TECPR2: variants seen among roughly 807,000 people sequenced by gnomAD.
The protein encoded by TECPR2 is tectonin beta-propeller repeat-containing protein 2.
TECPR2 carries 65 observed loss-of-function variants against 138.1 expected under a neutral mutation model. That is an observed-to-expected ratio of 0.47 (90% CI 0.39 to 0.58). The LOEUF (loss-of-function observed/expected upper bound fraction) is 0.58. Among genes scored for constraint, TECPR2 ranks in the 20% least tolerant of loss-of-function variants. The pLI is 0.00. For missense variants in TECPR2, 1,553 were observed against 1,824.5 expected, an observed-to-expected ratio of 0.85 and a Z score of 2.71; for synonymous variants, 746 against 749.8, an observed-to-expected ratio of 0.99 and a Z score of 0.08.
intron 17 of TECPR2, among the ~76,000 whole-genome samples, chr14:102,486,141 G>A (rs1567361675): frequency 6.6e-6 from 1 of 152,188 alleles, no homozygotes; most frequent in Non-Finnish European, 1.5e-5. Context: ...TAGAGGCCCA[G>A]CAGTAACTGG....
chr14:102,375,008 C>T (rs1368358941), intron 1 of TECPR2, among the ~76,000 whole-genome samples: 3 of 151,920 alleles, frequency 2.0e-5, no homozygotes, highest in Non-Finnish European at 4.4e-5. Flanking sequence ...AGGCAGATAA[C>T]CAGTCAGAGA....
In TECPR2 at chr14:102,419,674, G is replaced by A. The variant is rs1889127804; in HGVS notation, c.638+4881G>A. On this transcript the variant is annotated intron_variant, in intron 5 of 19. Transcript: ENST00000359520. The surrounding 1 kb of genome is among the most constrained non-coding windows in gnomAD (Gnocchi z 4.8). The stretch of plus-strand genomic sequence containing the variant: ...GAGGGGTCCTCTTCCCGTCGAGTCC[G>A]TGAACCTCTTCAGACCGGATGATGT... Among the ~76,000 whole-genome samples the A allele has an allele frequency of 1.3e-5, 2 of 152,140 alleles. No individual in the cohort carries two copies. Among genetic ancestry groups the A allele is most frequent in the East Asian group, 3.9e-4 (2 of 5,190 alleles).
Position 102,449,737 on chromosome 14 carries a change from G to A in TECPR2, c.3184G>A (p.Ala1062Thr), listed in dbSNP as rs1890090516. The part of the protein sequence containing the change: ...TAAQAPVEKV[A>T]DKLRMAFWSQ... ...AGCCCAAGCCCCCGTAGAAAAGGTGGCAGATAAGCTGCGCATGGCGTTTTG... is the reference window on the plus strand; with the variant it reads ...AGCCCAAGCCCCCGTAGAAAAGGTGACAGATAAGCTGCGCATGGCGTTTTG... Residue 1062 changes from alanine (A) to threonine (T), a missense_variant, in exon 14 of 20, where the codon GCA becomes ACA. Coordinates refer to ENST00000359520, the MANE Select transcript of TECPR2 (RefSeq NM_014844.5). 2 of 1,614,050 alleles carry A rather than the reference G, an allele frequency of 1.2e-6. No homozygotes were observed. Among genetic ancestry groups the A allele is most frequent in the Non-Finnish European group, 1.7e-6 (2 of 1,180,052 alleles).
intron 1 of TECPR2, among the ~76,000 whole-genome samples, chr14:102,368,918 A>G (rs1887418290): frequency 6.6e-6 from 1 of 152,132 alleles, no homozygotes; most frequent in Admixed American, 6.5e-5. Context: ...AAACAGAGGA[A>G]TTGAGGGTGA....
intron 15 of TECPR2, 124 bp downstream of exon 15, chr14:102,450,773 G>T: frequency 1.1e-6 from 1 of 906,240 alleles, no homozygotes; most frequent in Admixed American, 2.1e-5. Flanking sequence ...ACCACGTGAG[G>T]GTGTCAGAGG....
chr14:102,410,962 A>G (rs1282201248), intron 4 of TECPR2, among the ~76,000 whole-genome samples: 2 of 152,300 alleles, frequency 1.3e-5, no homozygotes, highest in Admixed American at 6.5e-5. Flanking sequence ...AGTCGTCCCA[A>G]TTCTTAGACC....
At chr14:102,400,198 A>G (rs1016444155) in intron 2 of TECPR2, among the ~76,000 whole-genome samples, 1 of 151,928 alleles carries the variant, frequency 6.6e-6, no homozygotes, top group African/African-American at 2.4e-5. Flanking sequence ...GGTGTGTGCC[A>G]CCACACCCAG....
At chr14:102,410,654 G>T (rs1005982829) in intron 4 of TECPR2, among the ~76,000 whole-genome samples, 1 of 151,594 alleles carries the variant, frequency 6.6e-6, no homozygotes, top group Admixed American at 6.6e-5. Flanking sequence ...TTTTTGTTAG[G>T]CCCCAGTCTC....
At chr14:102,410,564 C>A (rs1378513374) in intron 4 of TECPR2, among the ~76,000 whole-genome samples, 5 of 151,386 alleles carry the variant, frequency 3.3e-5, no homozygotes, top group Non-Finnish European at 5.9e-5. Context: ...ATACTTTTAC[C>A]ACTTTCCCTT....
intron 17 of TECPR2, among the ~76,000 whole-genome samples, chr14:102,476,809 C>A (rs938159006): frequency 2.6e-5 from 4 of 152,148 alleles, no homozygotes; most frequent in Admixed American, 6.5e-5. Flanking sequence ...AATCCCAACA[C>A]TTTGGGAGGC....
chr14:102,480,520 G>A (rs530657963), intron 17 of TECPR2, among the ~76,000 whole-genome samples: 13 of 151,384 alleles, frequency 8.6e-5, no homozygotes, highest in African/African-American at 3.1e-4. Flanking sequence ...CACCATGCCC[G>A]GCCTATTTTT....
intron 5 of TECPR2, 110 bp downstream of exon 5, chr14:102,414,903 C>G: frequency 7.3e-7 from 1 of 1,367,220 alleles, no homozygotes; most frequent in South Asian, 1.4e-5. Flanking sequence ...TTTGCAAACC[C>G]ACAGCGCCTC....
Position 102,443,511 on chromosome 14 carries a change from G to GT in TECPR2, c.2753-127dup, listed in dbSNP as rs372294560. ...ATTTTTAATTAATTAATTAATTAAA[G>GT]TTTTTTTTTAAAGCACTCATCATAA... On this transcript the variant is annotated intron_variant, in intron 11 of 19. Transcript: ENST00000359520. This position sits in a 1 kb window ranked among gnomAD's most constrained non-coding sequence, Gnocchi z 4.9. 24,165 of 761,468 alleles carry GT rather than the reference G, an allele frequency of 0.032. 409 individuals carry two copies. The highest frequency in any genetic ancestry group is 0.054 in the African/African-American group (3,000 of 55,188). 47.2% of individuals were successfully genotyped at this position (761,468 alleles called of 1,614,324 possible). A position where few individuals can be genotyped will look rare whatever the true frequency, so the allele number is the denominator to read the frequency against.
chr14:102,502,400 CT>C lies in TECPR2; in HGVS notation c.*4148del, dbSNP rs1394114985. 6.6e-6 allele frequency: 1 copy of C among 152,604 alleles called. No homozygotes were observed. The highest frequency in any genetic ancestry group is 1.5e-5 in the Non-Finnish European group (1 of 68,034). 9.5% of individuals were successfully genotyped at this position (152,604 alleles called of 1,614,324 possible). ...CATAGTGGTTGCCTGGAGTATATGC[CT>C]TTTTGTATCCTTTGAATTTCCAGCC... On this transcript the variant is annotated 3_prime_UTR_variant, in exon 20 of 20. Coordinates refer to ENST00000359520, the MANE Select transcript of TECPR2 (RefSeq NM_014844.5).
At chr14:102,472,088 T>G (rs1386253435) in intron 17 of TECPR2, among the ~76,000 whole-genome samples, 1 of 152,210 alleles carries the variant, frequency 6.6e-6, no homozygotes, top group Non-Finnish European at 1.5e-5. Flanking sequence ...TTGAGTGGGT[T>G]GAGCGCCCAT....
chr14:102,485,470 T>C (rs1031357237), intron 17 of TECPR2, among the ~76,000 whole-genome samples: 4 of 152,214 alleles, frequency 2.6e-5, no homozygotes, highest in Non-Finnish European at 5.9e-5. Flanking sequence ...CTAGGAACTA[T>C]TACCCCTCTT....
Position 102,362,962 on chromosome 14 carries a change from G to C in TECPR2, c.-227G>C, listed in dbSNP as rs1040792409. 40 of 1,422,288 alleles carry C rather than the reference G, an allele frequency of 2.8e-5. No individual in the cohort carries two copies. Among genetic ancestry groups the C allele is most frequent in the Non-Finnish European group, 3.8e-5 (39 of 1,029,426 alleles). The allele number at this position is 1,422,288 out of a possible 1,614,324, so 88.1% of individuals were successfully genotyped here. ...TGCCACTTGTGGCTCTGCCGCTCTAGCCCCCGGCGGAGCCAGCTGCTGCTC... is the reference window on the plus strand; with the variant it reads ...TGCCACTTGTGGCTCTGCCGCTCTACCCCCCGGCGGAGCCAGCTGCTGCTC... On this transcript the variant is annotated 5_prime_UTR_variant, in exon 1 of 20. Coordinates refer to ENST00000359520, the MANE Select transcript of TECPR2 (RefSeq NM_014844.5).
At chr14:102,452,938 A>C (rs1890185324) in intron 16 of TECPR2, among the ~76,000 whole-genome samples, 1 of 152,194 alleles carries the variant, frequency 6.6e-6, no homozygotes, top group African/African-American at 2.4e-5. Flanking sequence ...CTGCCCCGTC[A>C]GTCTTTCTGA....
intron 17 of TECPR2, among the ~76,000 whole-genome samples, chr14:102,486,540 G>A (rs1220197267): frequency 6.6e-6 from 1 of 152,316 alleles, no homozygotes; most frequent in Middle Eastern, 3.4e-3. Flanking sequence ...AGCAAAACTG[G>A]TCCCATGAAA....
Sources: gnomAD v4.1 joint callset for allele counts (sites outside exome capture counted in the v4.1 genomes callset) on GRCh38, gnomAD v4.1.1 for gene constraint, Gnocchi (gnomAD v3.1) non-coding constraint, MANE v1.5 for transcripts, NCBI Gene and HGNC (gene_info 2026-07-23, HGNC 2026-07-21) for gene names.